THOC5: variants seen among roughly 807,000 people sequenced by gnomAD.
THOC5 encodes the protein Fms-interacting protein.
THOC5 carries 43 observed loss-of-function variants against 92.9 expected under a neutral mutation model. The observed-to-expected ratio is 0.46, with a 90% CI of 0.36 to 0.60. THOC5 has a LOEUF of 0.60. THOC5 is among the 20% of genes least tolerant of loss of function. THOC5 has a pLI of 0.00. For missense variants in THOC5, 659 were observed against 849.4 expected, an observed-to-expected ratio of 0.78 and a Z score of 2.79; for synonymous variants, 296 against 320.1, an observed-to-expected ratio of 0.92 and a Z score of 0.80.
chr22:29,513,773 G>T (rs914835436), intron 17 of THOC5: 4 of 152,142 alleles, frequency 2.6e-5, no homozygotes, highest in Admixed American at 2.6e-4. Context: ...TGAGGCAGAA[G>T]GATGGTTTGA....
rs1456952307 is a variant in THOC5, at chr22:29,531,895, G to A, written c.783C>T (p.Ala261=). Residue 261 remains alanine (A), a synonymous_variant, in exon 8 of 20, where the codon GCC becomes GCT. Transcript: ENST00000490103. ...FDQAHKQYET[A]RHLPPPLYVL... ...CATAGAGGGGAGGCGGCAGGTGTCT[G>A]GCTGTCTCATACTGCTTGTGAGCCT... 6.2e-7 allele frequency: 1 copy of A among 1,614,182 alleles called. No individual in the cohort carries two copies. Among genetic ancestry groups the A allele is most frequent in the East Asian group, 2.2e-5 (1 of 44,886 alleles).
In THOC5 at chr22:29,508,418, G is replaced by T; in HGVS notation, c.*39C>A. On this transcript the variant is annotated 3_prime_UTR_variant, in exon 20 of 20. Coordinates refer to ENST00000490103, the MANE Select transcript of THOC5 (RefSeq NM_003678.5). ...GCAGAAAGCAGAAGCCCAGTGCTCAGGGTGAGGCCTTGGGGGAAACAACGG... is the reference window on the plus strand; with the variant it reads ...GCAGAAAGCAGAAGCCCAGTGCTCATGGTGAGGCCTTGGGGGAAACAACGG... 1 of 1,599,996 alleles carries T rather than the reference G, an allele frequency of 6.3e-7. No homozygotes were observed.
intron 2 of THOC5, chr22:29,545,030 T>G (rs756077762): frequency 9.4e-6 from 4 of 425,288 alleles, no homozygotes; most frequent in Non-Finnish European, 1.8e-5. Flanking sequence ...CACCTGAAAC[T>G]GGGAACAAAA....
chr22:29,543,586 G>T, intron 3 of THOC5, 44 bp from the exon 4 acceptor site: 3 of 1,500,656 alleles, frequency 2.0e-6, no homozygotes, highest in Non-Finnish European at 2.8e-6. Flanking sequence ...GACAGGGCTA[G>T]CTCAGCTTCC....
chr22:29,523,295 G>A (rs569990045), intron 12 of THOC5, among the ~76,000 whole-genome samples: 2 of 151,750 alleles, frequency 1.3e-5, no homozygotes, highest in African/African-American at 2.4e-5. Flanking sequence ...ACTCTGTCAG[G>A]GAGGATTTTT....
chr22:29,544,594 A>G lies in THOC5; in HGVS notation c.106T>C (p.Tyr36His), dbSNP rs777339042. The G allele has an allele frequency of 5.0e-6, 8 of 1,610,822 alleles. No individual in the cohort carries two copies. The highest frequency in any genetic ancestry group is 3.4e-5 in the Admixed American group (2 of 59,660). ...TCCACCTCGGCCTCCTCACTGTAGTATTTACCTTCCTGTAGAGGTAAGGAT... is the reference window on the plus strand; with the variant it reads ...TCCACCTCGGCCTCCTCACTGTAGTGTTTACCTTCCTGTAGAGGTAAGGAT... ...NRSDTEQEGK[Y>H]YSEEAEVDLR... is the part of the protein sequence containing the mutation. Residue 36 changes from tyrosine (Y) to histidine (H), a missense_variant, in exon 3 of 20, where the codon TAC becomes CAC. By Grantham distance (83) the Tyr-to-His change is moderately conservative. Coordinates refer to ENST00000490103, the MANE Select transcript of THOC5 (RefSeq NM_003678.5).
rs1266576726 is a variant in THOC5 at position 29,507,009 on chromosome 22, T to C, written c.*1448A>G. ...TCAGCCTTCTGAGTAACTGGGACTA[T>C]TGGTGCATACCACCACACCTGGCTG... On this transcript the variant is annotated 3_prime_UTR_variant, in exon 20 of 20. Transcript: ENST00000490103. 3 of 152,184 alleles carry C rather than the reference T, an allele frequency of 2.0e-5. No homozygotes were observed. The highest frequency in any genetic ancestry group is 1.3e-4 in the Admixed American group (2 of 15,256). 9.4% of individuals were successfully genotyped at this position (152,184 alleles called of 1,614,324 possible). A position where few individuals can be genotyped will look rare whatever the true frequency, so the allele number is the denominator to read the frequency against.
At chr22:29,522,373 A>C (rs1265411081) in intron 12 of THOC5, among the ~76,000 whole-genome samples, 1 of 95,202 alleles carries the variant, frequency 1.1e-5, no homozygotes, top group Non-Finnish European at 2.5e-5. Flanking sequence ...AAAATAAATA[A>C]AATAAAATAA....
chr22:29,523,101 G>T (rs1342160856), intron 12 of THOC5, among the ~76,000 whole-genome samples: 1 of 151,834 alleles, frequency 6.6e-6, no homozygotes, highest in African/African-American at 2.4e-5. Context: ...AATCAGCCAG[G>T]CGTGGTGGCG....
Position 29,517,033 on chromosome 22 carries a change from G to A in THOC5, c.1677C>T (p.Gly559=). Residue 559 remains glycine, a synonymous_variant, in exon 17 of 20, where the codon GGC becomes GGT. Transcript: ENST00000490103. ...NLYYMALIER[G]TAKLQAAVVL... Reference sequence around the variant, plus strand: ...TGTAATCAGCAGAGCAATTACCTGTGCCCCTTTCGATGAGCGCCATGTAGT... The same window carrying A: ...TGTAATCAGCAGAGCAATTACCTGTACCCCTTTCGATGAGCGCCATGTAGT... The A allele has an allele frequency of 1.2e-6, 2 of 1,614,054 alleles. No homozygotes were observed. The highest frequency in any genetic ancestry group is 8.5e-7 in the Non-Finnish European group (1 of 1,179,954).
At chr22:29,533,531 A>G (rs1348682688) in intron 7 of THOC5, among the ~76,000 whole-genome samples, 1 of 152,242 alleles carries the variant, frequency 6.6e-6, no homozygotes, top group Non-Finnish European at 1.5e-5. Context: ...ACAAGACACA[A>G]AAAAAGTACT....
chr22:29,539,123 A>AC (rs1207967547), intron 6 of THOC5, among the ~76,000 whole-genome samples: 3 of 151,672 alleles, frequency 2.0e-5, no homozygotes, highest in African/African-American at 7.3e-5. Context: ...AAAAAAAAAA[A>AC]AAAAAAAACC....
intron 12 of THOC5, among the ~76,000 whole-genome samples, 168 bp from the exon 13 acceptor site, chr22:29,521,267 C>T (rs1248253472): frequency 2.0e-5 from 3 of 152,158 alleles, no homozygotes; most frequent in Non-Finnish European, 4.4e-5. Context: ...TCATTGCATC[C>T]TTACAACCCT....
At position 29,542,938 on chromosome 22, in the gene THOC5, C is replaced by T; in HGVS notation, c.373G>A (p.Ala125Thr). 6.2e-7 allele frequency: 1 copy of T among 1,612,386 alleles called. No individual in the cohort carries two copies. Among genetic ancestry groups the T allele is most frequent in the Non-Finnish European group, 8.5e-7 (1 of 1,179,116 alleles). The change falls in exon 5 of 20, where the codon GCC becomes ACC. Residue 125 changes from alanine to threonine, a missense_variant. Transcript: ENST00000490103. ...QTHEAKQKVDAYHLQLQNLLY... is the reference protein window; with the variant it reads ...QTHEAKQKVDTYHLQLQNLLY... The stretch of plus-strand genomic sequence containing the variant: ...AGGTTCTGGAGCTGCAGATGATAGG[C>T]ATCTACTTTCTGCTTAGCCTGAAAG...
In THOC5 at chr22:29,549,142, T is replaced by C. The variant is rs767171668; in HGVS notation, c.6A>G (p.Ser2=). M[S]SESSKKRKPK... ...GCTTCCGTTTTTTGCTCGATTCTGA[T>C]GACATGGTTGTTCCTCCTGTTAAGA... is the stretch of plus-strand genomic sequence containing the variant. The change falls in exon 2 of 20, where the codon TCA becomes TCG. Residue 2 remains serine (S), a synonymous_variant. Coordinates refer to ENST00000490103, the MANE Select transcript of THOC5 (RefSeq NM_003678.5). The C allele has an allele frequency of 1.4e-5, 22 of 1,614,082 alleles. No individual in the cohort carries two copies. In the Admixed American group the frequency reaches 3.3e-4, roughly 24 times the overall value.
chr22:29,538,277 T>C (rs557549400), intron 6 of THOC5, among the ~76,000 whole-genome samples: 1 of 152,246 alleles, frequency 6.6e-6, no homozygotes, highest in South Asian at 2.1e-4. Flanking sequence ...CCACCTCGCC[T>C]GGCTGAAGCA....
intron 3 of THOC5, among the ~76,000 whole-genome samples, chr22:29,544,181 C>T (rs138968488): frequency 1.1e-3 from 162 of 152,318 alleles, no homozygotes; most frequent in African/African-American, 3.4e-3. Context: ...CATTTCTCAA[C>T]ACCTAGCAAA....
chr22:29,514,777 T>C (rs1043529950), intron 17 of THOC5, among the ~76,000 whole-genome samples: 2 of 151,126 alleles, frequency 1.3e-5, no homozygotes, highest in African/African-American at 4.9e-5. Context: ...CGATCTTGGC[T>C]CACTGCAAGC....
chr22:29,548,563 T>A (rs55684603), intron 2 of THOC5, among the ~76,000 whole-genome samples: 53,084 of 151,314 alleles, frequency 0.35, 9,355 homozygotes, highest in South Asian at 0.5. Flanking sequence ...TCAAAAAAAA[T>A]TTTTTTTAAA....
Sources: gnomAD v4.1 joint callset for allele counts (sites outside exome capture counted in the v4.1 genomes callset) on GRCh38, gnomAD v4.1.1 for gene constraint, MANE v1.5 for transcripts, NCBI Gene and HGNC (gene_info 2026-07-23, HGNC 2026-07-21) for gene names.